The following ELMO1 variants were observed in gnomAD, a reference collection of about 807,000 sequenced individuals.
ELMO1 encodes the protein engulfment and cell motility 1.
ELMO1 carries 26 observed loss-of-function variants against 98.9 expected under a neutral mutation model. The ratio of observed to expected loss-of-function variants is 0.26; its 90% CI spans 0.19 to 0.36. ELMO1 has a LOEUF of 0.36. Among genes scored for constraint, ELMO1 ranks in the 10% least tolerant of loss-of-function variants. ELMO1 has a pLI of 1.00. For missense variants in ELMO1, 627 were observed against 935.2 expected (o/e 0.67, Z 4.30); for synonymous variants, 346 against 346.0 (o/e 1.00, Z 0.00).
chr7:37,214,024 T>G (rs1793140705), intron 11 of ELMO1, among the ~76,000 whole-genome samples: 1 of 152,126 alleles, frequency 6.6e-6, no homozygotes, highest in Non-Finnish European at 1.5e-5. Context: ...GTGAATTACT[T>G]TACTCACTGT....
intron 15 of ELMO1, among the ~76,000 whole-genome samples, chr7:37,065,359 T>C (rs551832913): frequency 2.0e-5 from 3 of 152,238 alleles, no homozygotes; most frequent in South Asian, 2.1e-4. Context: ...TGACATCTAC[T>C]CTGCCTTCCA....
intron 14 of ELMO1, among the ~76,000 whole-genome samples, chr7:37,123,759 A>AAG (rs1418903912): frequency 6.6e-6 from 1 of 152,236 alleles, no homozygotes; most frequent in Non-Finnish European, 1.5e-5. Context: ...TCAACAGAAA[A>AAG]AGAGGGAATC....
intron 16 of ELMO1, among the ~76,000 whole-genome samples, chr7:37,010,551 T>C (rs921548982): frequency 6.6e-6 from 1 of 152,216 alleles, no homozygotes; most frequent in Admixed American, 6.5e-5. Context: ...CTGTCTTTGC[T>C]GGCTTTGAAG....
At chr7:37,303,385 C>T (rs899439679) in intron 4 of ELMO1, among the ~76,000 whole-genome samples, 1 of 152,158 alleles carries the variant, frequency 6.6e-6, no homozygotes, top group African/African-American at 2.4e-5. Flanking sequence ...CCATGACACA[C>T]AAACACACAA....
rs76484978 is a variant in ELMO1, at chr7:37,198,873, G to A, written c.1086+12513C>T. ...TATTGGAGATTTTGAGCTAAAAGGG[G>A]GAAGGAGGAAGATTCTGGCTGGAAA... On this transcript the variant is annotated intron_variant, in intron 13 of 21. Coordinates refer to ENST00000310758, the MANE Select transcript of ELMO1 (RefSeq NM_014800.11). 2.8e-3 allele frequency among the ~76,000 whole-genome samples: 419 copies of A among 152,340 alleles called. 1 individual carries two copies. The highest frequency in any genetic ancestry group is 9.6e-3 in the African/African-American group (401 of 41,576).
intron 1 of ELMO1, among the ~76,000 whole-genome samples, chr7:37,390,215 A>G (rs1163272641): frequency 6.6e-6 from 1 of 152,272 alleles, no homozygotes; most frequent in Non-Finnish European, 1.5e-5. Context: ...AGCTGTCGCT[A>G]TGAGCATAAA....
At chr7:37,245,555 T>C (rs1794963502) in intron 6 of ELMO1, among the ~76,000 whole-genome samples, 1 of 152,184 alleles carries the variant, frequency 6.6e-6, no homozygotes, top group Admixed American at 6.5e-5. Flanking sequence ...CCCCCTCCTT[T>C]ACCTGCCTTT....
intron 13 of ELMO1, among the ~76,000 whole-genome samples, chr7:37,154,328 A>G (rs1228392091): frequency 2.0e-5 from 3 of 152,224 alleles, no homozygotes; most frequent in Non-Finnish European, 4.4e-5. Context: ...ACGAGCTGAC[A>G]GAAGTAGGCT....
intron 1 of ELMO1, among the ~76,000 whole-genome samples, chr7:37,440,694 G>A (rs1805377326): frequency 6.6e-6 from 1 of 151,034 alleles, no homozygotes; most frequent in East Asian, 2.0e-4. Flanking sequence ...GCTTGAACTC[G>A]GTTGGCAGAG....
chr7:37,311,059 A>G (rs889348000), intron 4 of ELMO1, among the ~76,000 whole-genome samples: 6 of 151,970 alleles, frequency 3.9e-5, no homozygotes, highest in African/African-American at 1.4e-4. Flanking sequence ...CTAGAGCAGA[A>G]TTTGAACTTG....
At chr7:37,363,517 C>T (rs1422515499) in intron 1 of ELMO1, among the ~76,000 whole-genome samples, 3 of 152,110 alleles carry the variant, frequency 2.0e-5, no homozygotes, top group Non-Finnish European at 4.4e-5. Context: ...CACCTCATTC[C>T]TCTCTCCTAT....
At chr7:37,283,435 T>C (rs189243017) in intron 4 of ELMO1, among the ~76,000 whole-genome samples, 1 of 152,344 alleles carries the variant, frequency 6.6e-6, no homozygotes, top group Admixed American at 6.5e-5. Flanking sequence ...GGCTGGGGAC[T>C]AAAAGCTCAG....
chr7:37,419,462 G>A (rs1450214876), intron 1 of ELMO1, among the ~76,000 whole-genome samples: 2 of 152,210 alleles, frequency 1.3e-5, no homozygotes, highest in East Asian at 1.9e-4. Context: ...TCCTCTCAGG[G>A]TTGTTGTAAA....
intron 13 of ELMO1, among the ~76,000 whole-genome samples, chr7:37,134,952 T>C (rs558583200): frequency 1.7e-4 from 26 of 152,282 alleles, no homozygotes; most frequent in African/African-American, 5.8e-4. Context: ...GTTTACTGAG[T>C]ACAATGCACT....
chr7:36,853,249 G>A lies in ELMO1; in HGVS notation c.*2302C>T, dbSNP rs1028420520. On this transcript the variant is annotated 3_prime_UTR_variant, in exon 22 of 22. Coordinates refer to ENST00000310758, the MANE Select transcript of ELMO1 (RefSeq NM_014800.11). ...GAGCTGGAGAATGCTGCCTTTCATA[G>A]TCCTGAAAAGGTTTCTTTCTATTAA... 5.9e-5 allele frequency among the ~76,000 whole-genome samples: 9 copies of A among 152,176 alleles called. No homozygotes were observed.
Position 36,995,851 on chromosome 7 carries a change from A to G in ELMO1, c.1437+17448T>C, listed in dbSNP as rs561644040. On this transcript the variant is annotated intron_variant, in intron 16 of 21. Coordinates refer to ENST00000310758, the MANE Select transcript of ELMO1 (RefSeq NM_014800.11). ...ATTATACAAATGAGATAATCTACAA[A>G]TGAGATAATCAATGTTGGTGAATTT... Among the ~76,000 whole-genome samples the G allele has an allele frequency of 2.0e-5, 3 of 152,324 alleles. No individual in the cohort carries two copies. In the South Asian group the frequency reaches 6.2e-4, roughly 32 times the overall value.
rs138341388 is a variant in ELMO1 at position 37,053,751 on chromosome 7, C to T, written c.1301-40316G>A. On this transcript the variant is annotated intron_variant, in intron 15 of 21. Transcript: ENST00000310758. ...ATTGACAGGGTTGTCAACAAAAATG[C>T]TTAAGTCCTTTCTCCTCGGGTTATT... Among the ~76,000 whole-genome samples the T allele has an allele frequency of 2.9e-3, 441 of 152,260 alleles. 3 individuals carry two copies. Among genetic ancestry groups the T allele is most frequent in the African/African-American group, 9.7e-3 (401 of 41,532 alleles).
At chr7:37,175,953 A>G (rs1790475638) in intron 13 of ELMO1, among the ~76,000 whole-genome samples, 1 of 152,210 alleles carries the variant, frequency 6.6e-6, no homozygotes, top group Admixed American at 6.5e-5. Context: ...TTTAGTTCCA[A>G]GTTGAACTGC....
chr7:37,447,063 T>G (rs1805645961), intron 1 of ELMO1, among the ~76,000 whole-genome samples: 1 of 152,162 alleles, frequency 6.6e-6, no homozygotes, highest in Non-Finnish European at 1.5e-5. Context: ...AAAGTAGGCA[T>G]GGAGGTGAGA....
Sources: gnomAD v4.1 joint callset for allele counts (sites outside exome capture counted in the v4.1 genomes callset) on GRCh38, gnomAD v4.1.1 for gene constraint, MANE v1.5 for transcripts, NCBI Gene and HGNC (gene_info 2026-07-23, HGNC 2026-07-21) for gene names.